SOX5: variants seen among roughly 807,000 people sequenced by gnomAD.
SOX5 encodes the protein SRY-box transcription factor 5.
SOX5 carries 9 observed loss-of-function variants against 92.0 expected under a neutral mutation model. The observed-to-expected ratio is 0.10, with a 90% CI of 0.06 to 0.17. The LOEUF is 0.17. Among genes scored for constraint, SOX5 ranks in the 10% least tolerant of loss-of-function variants. The pLI, the probability that SOX5 is intolerant of heterozygous loss-of-function variation, is 1.00. For synonymous variants in SOX5, 344 were observed against 336.3 expected, an observed-to-expected ratio of 1.02 and a Z score of -0.25; for missense variants, 642 against 944.5, an observed-to-expected ratio of 0.68 and a Z score of 4.20.
chr12:24,203,380 T>C (rs1855948287), intron 4 of SOX5, among the ~76,000 whole-genome samples: 1 of 152,190 alleles, frequency 6.6e-6, no homozygotes, highest in African/African-American at 2.4e-5. Context: ...TTGGTTTCTT[T>C]TGCTAGAGAA....
At chr12:24,482,532 TCTC>T (rs1435298225) in intron 1 of SOX5, among the ~76,000 whole-genome samples, 2 of 152,168 alleles carry the variant, frequency 1.3e-5, no homozygotes, top group Non-Finnish European at 2.9e-5. Context: ...GAATGTTAGA[TCTC>T]CTAAGAAATA....
intron 2 of SOX5, 29 bp from the exon 3 acceptor site, chr12:23,846,222 T>C (rs2096573276): frequency 6.6e-7 from 1 of 1,525,858 alleles, no homozygotes; most frequent in Non-Finnish European, 9.1e-7. Context: ...TGACAAATAA[T>C]TGTTTACCTG....
At chr12:23,597,918 C>T (rs947366686) in intron 9 of SOX5, among the ~76,000 whole-genome samples, 1 of 152,164 alleles carries the variant, frequency 6.6e-6, no homozygotes, top group Non-Finnish European at 1.5e-5. Context: ...TTAGCTGAGG[C>T]TAATACCCCT....
At chr12:23,809,213 A>C (rs1311946197) in intron 3 of SOX5, among the ~76,000 whole-genome samples, 2 of 152,272 alleles carry the variant, frequency 1.3e-5, no homozygotes, top group Non-Finnish European at 2.9e-5. Context: ...GAAACATGTT[A>C]CATAAAACCT....
chr12:24,347,206 T>C (rs983360889), intron 2 of SOX5, among the ~76,000 whole-genome samples: 4 of 152,200 alleles, frequency 2.6e-5, no homozygotes, highest in African/African-American at 4.8e-5. Flanking sequence ...GTTGAATCCA[T>C]GTGAATGAAG....
intron 4 of SOX5, among the ~76,000 whole-genome samples, chr12:24,154,060 A>G (rs1951921270): frequency 6.6e-6 from 1 of 152,054 alleles, no homozygotes; most frequent in South Asian, 2.1e-4. Context: ...ACCACCTCCA[A>G]TGTAATGTGC....
chr12:24,174,033 T>C (rs1398241159), intron 4 of SOX5, among the ~76,000 whole-genome samples: 3 of 151,988 alleles, frequency 2.0e-5, no homozygotes, highest in African/African-American at 7.3e-5. Flanking sequence ...AGTCTCACTG[T>C]GTCACCCAGT....
chr12:24,162,425 T>C lies in SOX5; in HGVS notation c.-2+50918A>G, dbSNP rs1221821036. On this transcript the variant is annotated intron_variant, in intron 4 of 4. Coordinates refer to the SOX5 transcript ENST00000446891. ...ATATCAGGGTTGATAGAGAAGACAG[T>C]GTTCAGTTGTTGAGAACTTTTGGTC... Among the ~76,000 whole-genome samples, 3 of 152,286 alleles carry C rather than the reference T, an allele frequency of 2.0e-5. No homozygotes were observed. In the East Asian group the frequency reaches 5.8e-4, roughly 29 times the overall value.
At chr12:23,730,295 T>A (rs1187069399) in intron 6 of SOX5, among the ~76,000 whole-genome samples, 2 of 152,312 alleles carry the variant, frequency 1.3e-5, no homozygotes, top group South Asian at 2.1e-4. Context: ...TCTATTAATA[T>A]GCATTAAAGT....
At chr12:23,541,568 T>C (rs1039166919) in intron 13 of SOX5, among the ~76,000 whole-genome samples, 7 of 152,298 alleles carry the variant, frequency 4.6e-5, no homozygotes, top group Non-Finnish European at 8.8e-5. Context: ...CTGGTAGAGA[T>C]GTAAAAAAAT....
chr12:23,779,814 T>C (rs12312817), intron 3 of SOX5, among the ~76,000 whole-genome samples: 4,106 of 110,734 alleles, frequency 0.037, 159 homozygotes, highest in African/African-American at 0.09. Context: ...TATATATATA[T>C]ACACACACAC....
At chr12:23,593,654 C>T (rs1034139414) in intron 9 of SOX5, among the ~76,000 whole-genome samples, 2 of 151,960 alleles carry the variant, frequency 1.3e-5, no homozygotes, top group African/African-American at 2.4e-5. Context: ...ATATTAAGTG[C>T]TTTAAGAAAG....
intron 8 of SOX5, among the ~76,000 whole-genome samples, chr12:23,607,931 GAAACAAACAGGTGACACT>G (rs1464605996): frequency 6.6e-6 from 1 of 151,706 alleles, no homozygotes; most frequent in Non-Finnish European, 1.5e-5. Context: ...TAAAACATCG[GAAACAAACAGGTGACACT>G]AAACAAACTG....
chr12:23,616,611 GA>G (rs1222517233), intron 8 of SOX5, among the ~76,000 whole-genome samples: 3 of 152,120 alleles, frequency 2.0e-5, no homozygotes, highest in Non-Finnish European at 4.4e-5. Context: ...TTGATGGCAA[GA>G]AAAAAATGTA....
At chr12:24,140,985 A>G (rs999761995) in intron 4 of SOX5, among the ~76,000 whole-genome samples, 2 of 152,196 alleles carry the variant, frequency 1.3e-5, no homozygotes, top group African/African-American at 2.4e-5. Context: ...TTTTTAAAAA[A>G]TAACTAATCC....
At chr12:24,210,144 C>A (rs1958448891) in intron 4 of SOX5, among the ~76,000 whole-genome samples, 1 of 150,768 alleles carries the variant, frequency 6.6e-6, no homozygotes, top group Admixed American at 6.6e-5. Context: ...TTATATGAAA[C>A]CATATCCCTT....
chr12:23,879,611 T>A (rs1004250840), intron 2 of SOX5, among the ~76,000 whole-genome samples: 3 of 152,204 alleles, frequency 2.0e-5, no homozygotes, highest in African/African-American at 7.2e-5. Flanking sequence ...AATCTTAAAT[T>A]AATGTATGTT....
intron 1 of SOX5, among the ~76,000 whole-genome samples, chr12:24,556,079 C>T (rs1436922823): frequency 2.0e-5 from 3 of 152,218 alleles, no homozygotes; most frequent in Admixed American, 2.0e-4. Context: ...TATAGTCAAG[C>T]TTCTTCCTAC....
intron 2 of SOX5, among the ~76,000 whole-genome samples, chr12:24,311,415 G>C (rs1949167820): frequency 6.6e-6 from 1 of 151,968 alleles, no homozygotes; most frequent in Admixed American, 6.6e-5. Flanking sequence ...TATGACTCTT[G>C]CAATGGCTGA....
Sources: gnomAD v4.1 joint callset for allele counts (sites outside exome capture counted in the v4.1 genomes callset) on GRCh38, gnomAD v4.1.1 for gene constraint, MANE v1.5 for transcripts, NCBI Gene and HGNC (gene_info 2026-07-23, HGNC 2026-07-21) for gene names.